Variants in GABPB1 observed in about 807,000 individuals in gnomAD.
GABPB1 encodes GA-binding protein subunit beta-1.
In GABPB1, 15 loss-of-function variants were observed where a neutral mutation model predicts 45.9. The ratio of observed to expected loss-of-function variants is 0.33; its 90% confidence interval spans 0.22 to 0.50. The LOEUF (loss-of-function observed/expected upper bound fraction) is 0.50. GABPB1 is among the 20% of genes least tolerant of loss of function. GABPB1 has a pLI of 0.98. For synonymous variants in GABPB1, 143 were observed against 154.4 expected (o/e 0.93, Z 0.55); for missense variants, 252 against 457.5 (o/e 0.55, Z 4.10).
intron 1 of GABPB1, chr15:50,351,294 C>A (rs141257933): frequency 6.6e-6 from 1 of 152,330 alleles, no homozygotes; most frequent in East Asian, 1.9e-4. Context: ...GAATTATTCA[C>A]AGATGGGTGT....
chr15:50,354,353 C>G (rs1017173633), intron 1 of GABPB1: 7 of 448,706 alleles, frequency 1.6e-5, no homozygotes, highest in Non-Finnish European at 3.1e-5. Flanking sequence ...TGCGGGGGCC[C>G]CGCGCGGGAC....
intron 1 of GABPB1, among the ~76,000 whole-genome samples, chr15:50,311,639 C>A (rs1174521551): frequency 3.3e-5 from 3 of 91,766 alleles, no homozygotes; most frequent in African/African-American, 2.0e-4. Context: ...TCTGAAAAAA[C>A]CCAAAATCGG....
intron 8 of GABPB1, among the ~76,000 whole-genome samples, chr15:50,283,790 G>T (rs969428735): frequency 2.6e-5 from 4 of 152,222 alleles, no homozygotes; most frequent in Admixed American, 2.6e-4. Flanking sequence ...GGGATTACAG[G>T]TGTAGGCCAC....
At chr15:50,315,272 C>T (rs1251820710) in intron 1 of GABPB1, among the ~76,000 whole-genome samples, 4 of 152,130 alleles carry the variant, frequency 2.6e-5, no homozygotes, top group Admixed American at 6.5e-5. Flanking sequence ...GCTGCAACTA[C>T]AAGAGTACAC....
intron 1 of GABPB1, among the ~76,000 whole-genome samples, chr15:50,336,557 G>C (rs960244591): frequency 6.8e-6 from 1 of 147,078 alleles, no homozygotes; most frequent in Non-Finnish European, 1.5e-5. Context: ...GTGGCACACA[G>C]CTGTGGTCCC....
chr15:50,289,435 A>T, intron 7 of GABPB1, 48 bp downstream of exon 7: 2 of 1,135,218 alleles, frequency 1.8e-6, no homozygotes, highest in Non-Finnish European at 2.4e-6. Context: ...GAAAATAAAA[A>T]TTAAAAAAAA....
At chr15:50,300,436 G>GTTTTCTTTTTTTTTTTTTTTTT (rs2046692901) in intron 6 of GABPB1, among the ~76,000 whole-genome samples, 1 of 40,808 alleles carries the variant, frequency 2.5e-5, no homozygotes, top group Non-Finnish European at 3.9e-5. Flanking sequence ...ACTGTTTTTG[G>GTTTTCTTTTTTTTTTTTTTTTT]TTTTTTTTTT....
At chr15:50,302,086 T>C (rs910934712) in intron 4 of GABPB1, among the ~76,000 whole-genome samples, 6 of 152,202 alleles carry the variant, frequency 3.9e-5, no homozygotes, top group Admixed American at 3.9e-4. Context: ...GAAGAGGCAG[T>C]AATTAAAGAA....
At chr15:50,286,409 T>C (rs2046157648) in intron 7 of GABPB1, among the ~76,000 whole-genome samples, 1 of 152,032 alleles carries the variant, frequency 6.6e-6, no homozygotes, top group African/African-American at 2.4e-5. Context: ...AAATATTTTT[T>C]TAATTATATA....
intron 8 of GABPB1, among the ~76,000 whole-genome samples, chr15:50,280,890 T>A (rs1469793023): frequency 6.6e-6 from 1 of 152,204 alleles, no homozygotes; most frequent in Non-Finnish European, 1.5e-5. Context: ...CTCTAAAGCA[T>A]CTTCTAGTAT....
At chr15:50,334,914 G>A (rs148463349) in intron 1 of GABPB1, among the ~76,000 whole-genome samples, 2 of 151,948 alleles carry the variant, frequency 1.3e-5, no homozygotes, top group South Asian at 2.1e-4. Context: ...ATCTTTTTCT[G>A]CTGTCTGTTG....
intron 8 of GABPB1, 107 bp from the exon 9 acceptor site, chr15:50,278,891 G>A: frequency 1.2e-6 from 1 of 815,826 alleles, no homozygotes; most frequent in Non-Finnish European, 1.8e-6. Flanking sequence ...GTAGCTAAAA[G>A]CAGCCACCTA....
chr15:50,342,071 G>A (rs958996454), intron 1 of GABPB1, among the ~76,000 whole-genome samples: 1 of 152,106 alleles, frequency 6.6e-6, no homozygotes, highest in Non-Finnish European at 1.5e-5. Flanking sequence ...TCCTTTATAT[G>A]TTATCCAGCC....
Position 50,325,348 on chromosome 15 carries a change from G to A in GABPB1, c.1-15550C>T, listed in dbSNP as rs559557465. ...GGCACGGCTAAAAGCCAGAAGTTGA[G>A]ACCCCACCTCTGCCACAGATCAGCT... On this transcript the variant is annotated intron_variant, in intron 1 of 8. Coordinates refer to ENST00000380877, the MANE Select transcript of GABPB1 (RefSeq NM_016654.5). Among the ~76,000 whole-genome samples, 48 of 148,876 alleles carry A rather than the reference G, an allele frequency of 3.2e-4. No individual in the cohort carries two copies. The South Asian group carries it at 8.7e-3, about 27-fold the overall frequency.
At chr15:50,321,387 T>C (rs532523334) in intron 1 of GABPB1, among the ~76,000 whole-genome samples, 1 of 152,258 alleles carries the variant, frequency 6.6e-6, no homozygotes, top group South Asian at 2.1e-4. Flanking sequence ...CCACTTCCAG[T>C]GAAATCATAC....
At chr15:50,336,407 C>T (rs1013645237) in intron 1 of GABPB1, among the ~76,000 whole-genome samples, 2 of 150,124 alleles carry the variant, frequency 1.3e-5, no homozygotes, top group African/African-American at 4.9e-5. Context: ...AAAAAAACCT[C>T]ACAAGCCTAG....
At chr15:50,332,049 A>T (rs990094233) in intron 1 of GABPB1, among the ~76,000 whole-genome samples, 1 of 151,658 alleles carries the variant, frequency 6.6e-6, no homozygotes, top group Non-Finnish European at 1.5e-5. Flanking sequence ...TGATTTTTGT[A>T]TTTTTAGTAG....
intron 1 of GABPB1, chr15:50,350,528 T>C (rs1462186978): frequency 6.6e-6 from 1 of 151,690 alleles, no homozygotes; most frequent in African/African-American, 2.4e-5. Context: ...TCTCACTTAA[T>C]ACTCATTTCT....
At chr15:50,346,598 T>G (rs979657541) in intron 1 of GABPB1, among the ~76,000 whole-genome samples, 2 of 148,458 alleles carry the variant, frequency 1.3e-5, no homozygotes, top group Non-Finnish European at 3.0e-5. Context: ...TTTTTTTTTT[T>G]TTTTTTTTGT....
Sources: gnomAD v4.1 joint callset for allele counts (sites outside exome capture counted in the v4.1 genomes callset) on GRCh38, gnomAD v4.1.1 for gene constraint, MANE v1.5 for transcripts, NCBI Gene and HGNC (gene_info 2026-07-23, HGNC 2026-07-21) for gene names.